Variants in SPATA33 observed in about 807,000 individuals in gnomAD.
SPATA33 encodes the protein spermatogenesis associated 33.
SPATA33 carries 10 observed loss-of-function variants against 8.9 expected under a neutral mutation model. That is an observed-to-expected ratio of 1.12 (90% CI 0.69 to 1.90). The LOEUF (loss-of-function observed/expected upper bound fraction) is 1.90, where lower values mean the gene tolerates loss of function less well. Among genes scored for constraint, SPATA33 ranks in the 40% most tolerant of loss-of-function variants. SPATA33 has a pLI of 0.00. For synonymous variants in SPATA33, 96 were observed against 72.8 expected (o/e 1.32, Z -1.63); for missense variants, 241 against 178.3 (o/e 1.35, Z -2.00).
chr16:89,659,688 A>C, intron 2 of SPATA33: 1 of 140,482 alleles, frequency 7.1e-6, no homozygotes, highest in South Asian at 2.1e-4. Flanking sequence ...TCTGTCTCAG[A>C]AAAAAAAAAA....
At chr16:89,659,704 T>C (rs911474780) in intron 2 of SPATA33, 9 of 149,908 alleles carry the variant, frequency 6.0e-5, no homozygotes, top group Non-Finnish European at 5.9e-5. Context: ...AAAAAAATAA[T>C]AAGGAGAGAA....
At chr16:89,658,211 T>C (rs1018881984) in intron 1 of SPATA33, 37 bp from the exon 2 acceptor site, 2 of 1,611,012 alleles carry the variant, frequency 1.2e-6, no homozygotes, top group African/African-American at 2.7e-5. Context: ...CTGCATTCGG[T>C]AAGTCCCGGG....
At position 89,663,979 on chromosome 16, in the gene SPATA33, T is replaced by G. The variant is rs117075095; in HGVS notation, c.212-5307T>G. Among the ~76,000 whole-genome samples the G allele has an allele frequency of 7.3e-3, 1,114 of 152,100 alleles. 12 individuals are homozygous for G. Among genetic ancestry groups the G allele is most frequent in the Non-Finnish European group, 0.012 (845 of 67,988 alleles). ...ACAAAAAAGACAAGAATTAGCTGGG[T>G]GTAGTGGAGTGTGCCTGTAGCCCCA... On this transcript the variant is annotated intron_variant, in intron 2 of 2. Transcript: ENST00000579310.
At chr16:89,657,776 G>A (rs1421009759), upstream of SPATA33, 3 of 1,453,050 alleles carry the variant, frequency 2.1e-6, no homozygotes, top group Non-Finnish European at 2.7e-6. Flanking sequence ...GAGGGGCGGG[G>A]CGCGGCTGCG....
chr16:89,669,834 C>G lies in SPATA33; in HGVS notation c.*337C>G, dbSNP rs2060077491. On this transcript the variant is annotated 3_prime_UTR_variant, in exon 3 of 3. Transcript: ENST00000579310. ...ACCCCACCCTGTGAGAACCTGCAGC[C>G]CCCTTCTCCAATGCTCTCGGGGAGG... 1 of 366,170 alleles carries G rather than the reference C, an allele frequency of 2.7e-6. No homozygotes were observed. Among genetic ancestry groups the G allele is most frequent in the Non-Finnish European group, 5.1e-6 (1 of 195,102 alleles). 22.7% of individuals were successfully genotyped at this position (366,170 alleles called of 1,614,324 possible). A position where few individuals can be genotyped will look rare whatever the true frequency, so the allele number is the denominator to read the frequency against.
chr16:89,657,875 AC>A lies in SPATA33; in HGVS notation c.-34del. 1 of 1,514,210 alleles carries A rather than the reference AC, an allele frequency of 6.6e-7. No individual in the cohort carries two copies. Among genetic ancestry groups the A allele is most frequent in the Non-Finnish European group, 8.8e-7 (1 of 1,138,306 alleles). The allele number at this position is 1,514,210 out of a possible 1,614,324, so 93.8% of individuals were successfully genotyped here. On this transcript the variant is annotated 5_prime_UTR_variant, in exon 1 of 3. Coordinates refer to ENST00000579310, the MANE Select transcript of SPATA33 (RefSeq NM_001271907.2). ...GCTCCGCGGCCGCGGAGGTGTGGGG[AC>A]CCGGGCTTGCGTCGGAGGGGGCGGT...
At chr16:89,669,135 C>G (rs2060064272) in intron 2 of SPATA33, 151 bp from the exon 3 acceptor site, 2 of 693,266 alleles carry the variant, frequency 2.9e-6, no homozygotes, top group African/African-American at 1.8e-5. Flanking sequence ...CTGTAATGTT[C>G]ATGGACAGTT....
chr16:89,668,666 A>C (rs1057071018), intron 2 of SPATA33, among the ~76,000 whole-genome samples: 1 of 151,180 alleles, frequency 6.6e-6, no homozygotes, highest in Non-Finnish European at 1.5e-5. Flanking sequence ...CACTCCACGA[A>C]GGGGGTGGGC....
At chr16:89,658,117 G>T in intron 1 of SPATA33, 131 bp from the exon 2 acceptor site, 1 of 1,510,268 alleles carries the variant, frequency 6.6e-7, no homozygotes, top group South Asian at 1.3e-5. Context: ...GCCTGAGGCG[G>T]TTACGGAAAC....
Position 89,669,565 on chromosome 16 carries a change from G to GT in SPATA33, c.*69dup. ...GTCTCGGGAACAGCCGCCTCACCCTGTGAGAAGCCGAGGCCCCTTCTCCAG... is the reference window on the plus strand; with the variant it reads ...GTCTCGGGAACAGCCGCCTCACCCTGTTGAGAAGCCGAGGCCCCTTCTCCAG... On this transcript the variant is annotated 3_prime_UTR_variant, in exon 3 of 3. Coordinates refer to ENST00000579310, the MANE Select transcript of SPATA33 (RefSeq NM_001271907.2). 9.9e-6 allele frequency: 15 copies of GT among 1,521,662 alleles called. No individual in the cohort carries two copies. Among genetic ancestry groups the GT allele is most frequent in the Non-Finnish European group, 1.3e-5 (15 of 1,114,162 alleles). 94.3% of individuals were successfully genotyped at this position (1,521,662 alleles called of 1,614,324 possible). A position where few individuals can be genotyped will look rare whatever the true frequency, so the allele number is the denominator to read the frequency against.
rs373559311 is a variant in SPATA33 at position 89,669,311 on chromosome 16, C to T, written c.237C>T (p.Ser79=). 2 of 1,614,010 alleles carry T rather than the reference C, an allele frequency of 1.2e-6. No homozygotes were observed. Among genetic ancestry groups the T allele is most frequent in the African/African-American group, 2.7e-5 (2 of 74,884 alleles). ...LEEKPDVKQK[S]SRKKVVVPQI... ...AGAAACCTGATGTAAAGCAAAAGTC[C>T]AGCAGGAAGAAAGTGGTCGTTCCAC... is the stretch of plus-strand genomic sequence containing the variant. The change falls in exon 3 of 3, where the codon TCC becomes TCT. Residue 79 remains serine, a synonymous_variant. Transcript: ENST00000579310.
At chr16:89,664,941 TTTG>T (rs756955466) in intron 2 of SPATA33, among the ~76,000 whole-genome samples, 2 of 152,326 alleles carry the variant, frequency 1.3e-5, no homozygotes, top group Non-Finnish European at 2.9e-5. Context: ...TTGGTGGTGA[TTTG>T]TTGTGCAGCA....
chr16:89,658,168 C>T (rs1215718544), intron 1 of SPATA33, 80 bp from the exon 2 acceptor site: 1 of 1,586,504 alleles, frequency 6.3e-7, no homozygotes, highest in Non-Finnish European at 8.6e-7. Context: ...TCTGGACCCA[C>T]GCAGGCGACT....
At position 89,663,038 on chromosome 16, in the gene SPATA33, C is replaced by T. The variant is rs1004766414; in HGVS notation, c.211+4617C>T. On this transcript the variant is annotated intron_variant, in intron 2 of 2. Transcript: ENST00000579310. ...CAAACTCCTGACTTTGTGAACCACCCGCCTCAGCCTCCCAAAGTGCCAGTG... is the reference window on the plus strand; with the variant it reads ...CAAACTCCTGACTTTGTGAACCACCTGCCTCAGCCTCCCAAAGTGCCAGTG... Among the ~76,000 whole-genome samples the T allele has an allele frequency of 1.8e-4, 27 of 151,374 alleles. No homozygotes were observed. The South Asian group carries it at 2.3e-3, about 13-fold the overall frequency.
chr16:89,670,402 C>T lies in SPATA33; in HGVS notation c.*905C>T, dbSNP rs1192808601. Reference sequence around the variant, plus strand: ...TCGGTCGAGGCAAGAGTGACTGGCTCAGAGAGCGAGCTTTGTGGTATTGAT... The same window carrying T: ...TCGGTCGAGGCAAGAGTGACTGGCTTAGAGAGCGAGCTTTGTGGTATTGAT... On this transcript the variant is annotated 3_prime_UTR_variant, in exon 3 of 3. Transcript: ENST00000579310. The T allele has an allele frequency of 6.6e-6, 1 of 152,316 alleles. No individual in the cohort carries two copies. Among genetic ancestry groups the T allele is most frequent in the Non-Finnish European group, 1.5e-5 (1 of 68,124 alleles). 9.4% of individuals were successfully genotyped at this position (152,316 alleles called of 1,614,324 possible). A position where few individuals can be genotyped will look rare whatever the true frequency, so the allele number is the denominator to read the frequency against.
At chr16:89,660,590 C>G in intron 2 of SPATA33, 2 of 1,211,644 alleles carry the variant, frequency 1.7e-6, no homozygotes, top group Non-Finnish European at 2.1e-6. Context: ...CTTGCCACAC[C>G]GTGAAGGAGT....
Position 89,660,648 on chromosome 16 carries a change from A to C in SPATA33, c.211+2227A>C, listed in dbSNP as rs550443668. 3 of 939,382 alleles carry C rather than the reference A, an allele frequency of 3.2e-6. No individual in the cohort carries two copies. In the South Asian group the frequency reaches 1.6e-4, roughly 51 times the overall value. The allele number at this position is 939,382 out of a possible 1,614,324, so 58.2% of individuals were successfully genotyped here. On this transcript the variant is annotated intron_variant, in intron 2 of 2. Coordinates refer to ENST00000579310, the MANE Select transcript of SPATA33 (RefSeq NM_001271907.2). ...AGACAAGCCAGAGGAAAGACCACTC[A>C]TGTTGCAGTTCCCTTTCCATGGAAT...
At chr16:89,658,187 TG>T in intron 1 of SPATA33, 60 bp from the exon 2 acceptor site, 1 of 1,603,688 alleles carries the variant, frequency 6.2e-7, no homozygotes, top group Non-Finnish European at 8.5e-7. Context: ...CTGAAGACGA[TG>T]GGACCCACTG....
Position 89,669,352 on chromosome 16 carries a change from G to A in SPATA33, c.278G>A (p.Arg93Gln), listed in dbSNP as rs144699770. 20 of 1,614,060 alleles carry A rather than the reference G, an allele frequency of 1.2e-5. No homozygotes were observed. Among genetic ancestry groups the A allele is most frequent in the African/African-American group, 9.3e-5 (7 of 74,910 alleles). The change falls in exon 3 of 3, where the codon CGA becomes CAA. Residue 93 changes from arginine (R) to glutamine (Q), a missense_variant. Arg to Gln is a conservative substitution (Grantham distance 43). Transcript: ENST00000579310. ...KVVVPQIIIT[R>Q]ASNETLVSCS... ...GTCGTTCCACAGATCATCATCACGC[G>A]AGCGTCGAATGAGACGCTAGTCAGT...
Sources: allele counts gnomAD v4.1 joint callset (sites outside exome capture counted in the v4.1 genomes callset), GRCh38; gene constraint gnomAD v4.1.1; transcripts MANE v1.5; gene names NCBI Gene and HGNC (gene_info 2026-07-23, HGNC 2026-07-21).